The following EVC variants were observed in gnomAD, a reference collection of about 807,000 sequenced individuals.
EVC encodes the protein EvC ciliary complex subunit 1, also known as evC complex member EVC.
Under a neutral mutation model 118.9 loss-of-function variants are expected in EVC, and 116 were observed. The ratio of observed to expected loss-of-function variants is 0.98; its 90% CI spans 0.84 to 1.14. The LOEUF (loss-of-function observed/expected upper bound fraction) is 1.14. Among genes scored for constraint, EVC ranks in the 50% most tolerant of loss-of-function variants. The pLI is 0.00. For synonymous variants in EVC, 619 were observed against 534.7 expected, an observed-to-expected ratio of 1.16 and a Z score of -2.18; for missense variants, 1,401 against 1,246.4, an observed-to-expected ratio of 1.12 and a Z score of -1.87.
intron 16 of EVC, among the ~76,000 whole-genome samples, 175 bp downstream of exon 16, chr4:5,802,269 TAAAG>T (rs1715151826): frequency 1.3e-5 from 2 of 152,214 alleles, no homozygotes; most frequent in South Asian, 2.1e-4. Flanking sequence ...AAAAGGCACT[TAAAG>T]AAACATATGC....
intron 18 of EVC, 111 bp downstream of exon 18, chr4:5,808,438 T>A (rs1019972417): frequency 4.6e-5 from 70 of 1,529,868 alleles, no homozygotes; most frequent in Non-Finnish European, 6.0e-5. Context: ...CTTCCCTGCC[T>A]GTGGCATCGT....
chr4:5,725,505 G>T (rs1225244308), intron 2 of EVC, among the ~76,000 whole-genome samples: 1 of 152,050 alleles, frequency 6.6e-6, no homozygotes, highest in Admixed American at 6.5e-5. Flanking sequence ...TATGTTTGGT[G>T]GCCACGTGAA....
intron 17 of EVC, among the ~76,000 whole-genome samples, chr4:5,807,205 C>G (rs1320993015): frequency 1.3e-5 from 2 of 152,082 alleles, no homozygotes; most frequent in African/African-American, 4.8e-5. Flanking sequence ...CAGCACAGCA[C>G]CTGGCAGGCC....
intron 11 of EVC, among the ~76,000 whole-genome samples, chr4:5,761,723 T>C (rs916402976): frequency 6.6e-6 from 1 of 151,662 alleles, no homozygotes; most frequent in African/African-American, 2.4e-5. Flanking sequence ...AAGGGCGGGT[T>C]TCTGTTTAGT....
At chr4:5,717,775 C>T (rs1724222307) in intron 1 of EVC, among the ~76,000 whole-genome samples, 1 of 152,186 alleles carries the variant, frequency 6.6e-6, no homozygotes, top group Admixed American at 6.5e-5. Flanking sequence ...TTCTCAAATG[C>T]CGCTTTGTCC....
chr4:5,819,770 T>C, the EVC span, among the ~76,000 whole-genome samples: 1 of 151,682 alleles, frequency 6.6e-6, no homozygotes, highest in Admixed American at 6.5e-5. Flanking sequence ...ATCCTTACCA[T>C]CCGTTCTTGG....
At chr4:5,797,406 T>G in intron 14 of EVC, 174 bp downstream of exon 14, 1 of 645,522 alleles carries the variant, frequency 1.5e-6, no homozygotes, top group Non-Finnish European at 2.8e-6. Flanking sequence ...CAGCTTACAC[T>G]GCACACATTT....
intron 11 of EVC, among the ~76,000 whole-genome samples, chr4:5,768,724 G>T (rs1157722255): frequency 6.6e-6 from 1 of 151,946 alleles, no homozygotes; most frequent in Non-Finnish European, 1.5e-5. Flanking sequence ...AGGTGTGGTG[G>T]TGGGTGCCTG....
intron 15 of EVC, among the ~76,000 whole-genome samples, chr4:5,799,235 C>T (rs1289445656): frequency 2.0e-5 from 3 of 152,148 alleles, no homozygotes; most frequent in East Asian, 1.9e-4. Context: ...TGAGCAATGC[C>T]GCTAAAAATC....
rs1227805414 is a variant in EVC at position 5,719,671 on chromosome 4, C to T, written c.300+298C>T. ...CCGCCCCCACACACTTCCAGAGGTG[C>T]CCATGCGTGGGATTTCCATTGATTG... On this transcript the variant is annotated intron_variant, in intron 2 of 20. Transcript: ENST00000264956. This position sits in a 1 kb window ranked among gnomAD's most constrained non-coding sequence, Gnocchi z 4.7. 6.6e-6 allele frequency among the ~76,000 whole-genome samples: 1 copy of T among 152,190 alleles called. No individual in the cohort carries two copies. The highest frequency in any genetic ancestry group is 1.5e-5 in the Non-Finnish European group (1 of 68,040).
chr4:5,718,390 G>A (rs540701639), intron 1 of EVC, among the ~76,000 whole-genome samples: 6 of 152,278 alleles, frequency 3.9e-5, no homozygotes, highest in African/African-American at 9.6e-5. Flanking sequence ...TGAAGCTTCT[G>A]TAACACACCC....
At chr4:5,774,971 C>A (rs1220012415) in intron 11 of EVC, among the ~76,000 whole-genome samples, 1 of 152,094 alleles carries the variant, frequency 6.6e-6, no homozygotes. Flanking sequence ...AAGGAGCAGA[C>A]AGGATCCAGC....
intron 5 of EVC, among the ~76,000 whole-genome samples, chr4:5,740,538 G>A (rs1728379907): frequency 6.7e-6 from 1 of 150,332 alleles, no homozygotes; most frequent in South Asian, 2.1e-4. Context: ...CCTAGGCAAA[G>A]AGTTTTTAGA....
chr4:5,824,235 G>T, the EVC span: 1 of 949,642 alleles, frequency 1.1e-6, no homozygotes. Flanking sequence ...CACCCAGATA[G>T]CTTTTTCCCA....
At chr4:5,821,766 G>A in the EVC span, 11 of 1,609,304 alleles carry the variant, frequency 6.8e-6, no homozygotes, top group Admixed American at 8.4e-5. This position sits in a 1 kb window ranked among gnomAD's most constrained non-coding sequence, Gnocchi z 4.4. Flanking sequence ...ACGTTCAACC[G>A]AGGCTGGTGA....
rs1412807638 is a variant in EVC at position 5,743,713 on chromosome 4, GTCA to G, written c.802-1488_802-1486del. Among the ~76,000 whole-genome samples, 1 of 152,172 alleles carries G rather than the reference GTCA, an allele frequency of 6.6e-6. No individual in the cohort carries two copies. The highest frequency in any genetic ancestry group is 1.9e-4 in the East Asian group (1 of 5,184). ...GAGGAAGGACATCATCATCTTCACT[GTCA>G]TCCTCAGTATCACCACCATGGTCAT... On this transcript the variant is annotated intron_variant, in intron 6 of 20. Transcript: ENST00000264956. The surrounding 1 kb of genome is among the most constrained non-coding windows in gnomAD (Gnocchi z 4.7).
At chr4:5,797,344 G>C in intron 14 of EVC, 112 bp downstream of exon 14, 1 of 937,788 alleles carries the variant, frequency 1.1e-6, no homozygotes, top group South Asian at 1.4e-5. Flanking sequence ...TGGTGCTGCA[G>C]GGTGCGGTAT....
the EVC span, chr4:5,827,974 A>AG: frequency 1.1e-6 from 1 of 927,256 alleles, no homozygotes; most frequent in Non-Finnish European, 1.3e-6. Context: ...AAGGAAAATA[A>AG]GGAACGACAG....
intron 1 of EVC, among the ~76,000 whole-genome samples, chr4:5,718,725 C>T (rs1374078964): frequency 6.6e-6 from 1 of 152,124 alleles, no homozygotes; most frequent in Non-Finnish European, 1.5e-5. Flanking sequence ...TTAGCAAGTA[C>T]AGGAATTGGC....
Sources: gnomAD v4.1 joint callset for allele counts (sites outside exome capture counted in the v4.1 genomes callset) on GRCh38, gnomAD v4.1.1 for gene constraint, Gnocchi (gnomAD v3.1) non-coding constraint, MANE v1.5 for transcripts, NCBI Gene and HGNC (gene_info 2026-07-23, HGNC 2026-07-21) for gene names.